SSUH2: variants seen among roughly 807,000 people sequenced by gnomAD.
SSUH2 encodes ssu-2 homolog.
SSUH2 carries 47 observed loss-of-function variants against 55.3 expected under a neutral mutation model. That is an observed-to-expected ratio of 0.85 (90% CI 0.67 to 1.08). The LOEUF (loss-of-function observed/expected upper bound fraction) is 1.08, where lower values mean the gene tolerates loss of function less well. SSUH2 is among the 50% of genes least tolerant of loss of function. The pLI is 0.00. For missense variants in SSUH2, 535 were observed against 490.7 expected (o/e 1.09, Z -0.85); for synonymous variants, 212 against 191.5 (o/e 1.11, Z -0.89).
At chr3:8,675,705 G>A (rs961823254) in intron 3 of SSUH2, among the ~76,000 whole-genome samples, 1 of 152,140 alleles carries the variant, frequency 6.6e-6, no homozygotes, top group Non-Finnish European at 1.5e-5. Context: ...AAACTTTGCA[G>A]TACTAGCCAA....
At chr3:8,654,532 T>C (rs1702737908) in intron 7 of SSUH2, among the ~76,000 whole-genome samples, 1 of 152,254 alleles carries the variant, frequency 6.6e-6, no homozygotes, top group Non-Finnish European at 1.5e-5. Flanking sequence ...GGTTTAAAGA[T>C]AGCCTTGTAC....
In SSUH2 at chr3:8,662,158, A is replaced by ACTCT. The variant is rs535429965; in HGVS notation, c.-396+1582_-396+1585dup. On this transcript the variant is annotated intron_variant, in intron 6 of 18. Coordinates refer to the SSUH2 transcript ENST00000317371. ...GCCCACCTTTGTTCCAATGGGAGACACTCTCTCTGTCTCCCAAGAATGTTT... is the reference window on the plus strand; with the variant it reads ...GCCCACCTTTGTTCCAATGGGAGACACTCTCTCTCTCTGTCTCCCAAGAATGTTT... Among the ~76,000 whole-genome samples, 9 of 152,234 alleles carry ACTCT rather than the reference A, an allele frequency of 5.9e-5. No individual in the cohort carries two copies. In the East Asian group the frequency reaches 1.7e-3, roughly 29 times the overall value.
Position 8,678,619 on chromosome 3 carries a change from C to A in SSUH2, c.-901+1086G>T, listed in dbSNP as rs1705634780. ...GGGACTGAGAGCCAGCCCTTCTTCCCCCCCGGCTTTTGGGACCCCCATCGC... is the reference window on the plus strand; with the variant it reads ...GGGACTGAGAGCCAGCCCTTCTTCCACCCCGGCTTTTGGGACCCCCATCGC... On this transcript the variant is annotated intron_variant, in intron 2 of 18. Coordinates refer to the SSUH2 transcript ENST00000317371. 5.8e-5 allele frequency among the ~76,000 whole-genome samples: 4 copies of A among 68,724 alleles called. No homozygotes were observed. In the South Asian group the frequency reaches 2.8e-3, roughly 49 times the overall value. 45.1% of individuals were successfully genotyped at this position (68,724 alleles called of 152,430 possible).
At chr3:8,659,780 G>C (rs1461412020) in intron 6 of SSUH2, 2 of 456,528 alleles carry the variant, frequency 4.4e-6, no homozygotes, top group Non-Finnish European at 8.8e-6. Context: ...CAGTGTAAGA[G>C]ATATGGAGAT....
At chr3:8,664,228 T>C (rs1703769494) in intron 5 of SSUH2, among the ~76,000 whole-genome samples, 1 of 152,236 alleles carries the variant, frequency 6.6e-6, no homozygotes, top group South Asian at 2.1e-4. Flanking sequence ...ACAGGGGATG[T>C]TACATCTTTC....
chr3:8,655,726 A>G (rs928508479), intron 7 of SSUH2, among the ~76,000 whole-genome samples: 1 of 152,234 alleles, frequency 6.6e-6, no homozygotes, highest in Admixed American at 6.5e-5. Context: ...GCGTGGAGAG[A>G]AAGCACCATT....
chr3:8,659,883 T>A, intron 6 of SSUH2: 1 of 437,916 alleles, frequency 2.3e-6, no homozygotes, highest in Non-Finnish European at 4.6e-6. Flanking sequence ...CATGGGTTCA[T>A]GGGAATCTTT....
intron 7 of SSUH2, among the ~76,000 whole-genome samples, chr3:8,628,877 A>G (rs554830001): frequency 1.3e-5 from 2 of 151,720 alleles, no homozygotes; most frequent in African/African-American, 4.9e-5. Flanking sequence ...TTTTTTTGAG[A>G]TGGAGTCTTG....
At chr3:8,629,395 G>A (rs985861490) in intron 7 of SSUH2, 2 of 493,238 alleles carry the variant, frequency 4.1e-6, no homozygotes, top group African/African-American at 1.9e-5. Context: ...TCAGAGCCAA[G>A]CAGGTATTCA....
intron 7 of SSUH2, among the ~76,000 whole-genome samples, chr3:8,654,572 T>C (rs1575299151): frequency 6.6e-6 from 1 of 152,202 alleles, no homozygotes; most frequent in East Asian, 1.9e-4. Flanking sequence ...TGTGTTTCCA[T>C]AGGGTAAATT....
intron 1 of SSUH2, among the ~76,000 whole-genome samples, chr3:8,636,625 G>A (rs1173660125): frequency 6.6e-6 from 1 of 152,074 alleles, no homozygotes; most frequent in African/African-American, 2.4e-5. Context: ...CAGCAGACCT[G>A]ACCAAGACTT....
intron 3 of SSUH2, among the ~76,000 whole-genome samples, chr3:8,674,420 G>A (rs898121063): frequency 6.6e-6 from 1 of 152,226 alleles, no homozygotes; most frequent in African/African-American, 2.4e-5. Context: ...ACTGAGGGGA[G>A]ACCGGGCTCA....
intron 4 of SSUH2, among the ~76,000 whole-genome samples, chr3:8,671,366 G>A (rs1375548035): frequency 6.6e-6 from 1 of 152,100 alleles, no homozygotes; most frequent in Non-Finnish European, 1.5e-5. Flanking sequence ...TAATATCACA[G>A]AGTGTACACC....
At chr3:8,625,279 G>T (rs1697286673) in intron 10 of SSUH2, among the ~76,000 whole-genome samples, 1 of 152,030 alleles carries the variant, frequency 6.6e-6, no homozygotes, top group African/African-American at 2.4e-5. Flanking sequence ...GAAGAAGGGA[G>T]GGAGGGAAAG....
At chr3:8,623,010 G>A (rs1011522956) in intron 11 of SSUH2, among the ~76,000 whole-genome samples, 2 of 152,174 alleles carry the variant, frequency 1.3e-5, no homozygotes, top group African/African-American at 2.4e-5. Flanking sequence ...AACCTCCCAC[G>A]TTAGGGTCCC....
intron 3 of SSUH2, among the ~76,000 whole-genome samples, chr3:8,676,713 A>T (rs1705323110): frequency 1.0e-5 from 1 of 98,154 alleles, no homozygotes; most frequent in Non-Finnish European, 2.6e-5. Flanking sequence ...CTGGGTGAAC[A>T]CAGCCTGCGA....
intron 3 of SSUH2, among the ~76,000 whole-genome samples, chr3:8,672,917 T>C (rs148181144): frequency 1.2e-3 from 180 of 152,250 alleles, no homozygotes; most frequent in African/African-American, 4.1e-3. Context: ...CCTGCTGCGA[T>C]ATTGAACGTA....
At chr3:8,633,929 G>C (rs746230349) in intron 3 of SSUH2, 134 bp from the exon 4 acceptor site, 47 of 1,613,824 alleles carry the variant, frequency 2.9e-5, no homozygotes, top group Non-Finnish European at 3.6e-5. Flanking sequence ...AGTCCAACTG[G>C]GGAGGGCATC....
chr3:8,642,502 A>T (rs1258326794), intron 1 of SSUH2, among the ~76,000 whole-genome samples: 1 of 152,216 alleles, frequency 6.6e-6, no homozygotes, highest in African/African-American at 2.4e-5. Context: ...CCATCACTGG[A>T]AGTGGTCCAG....
Sources: allele counts gnomAD v4.1 joint callset (sites outside exome capture counted in the v4.1 genomes callset), GRCh38; gene constraint gnomAD v4.1.1; transcripts MANE v1.5; gene names NCBI Gene and HGNC (gene_info 2026-07-23, HGNC 2026-07-21).